The following DZIP1 variants were observed in gnomAD, a reference collection of about 807,000 sequenced individuals.
DZIP1 encodes DAZ interacting zinc finger protein 1.
DZIP1 carries 97 observed loss-of-function variants against 107.6 expected under a neutral mutation model. The observed-to-expected ratio is 0.90, with a 90% CI of 0.77 to 1.07. The LOEUF (loss-of-function observed/expected upper bound fraction) is 1.07. Among genes scored for constraint, DZIP1 ranks in the 50% least tolerant of loss-of-function variants. DZIP1 has a pLI of 0.00. For synonymous variants in DZIP1, 390 were observed against 386.4 expected (o/e 1.01, Z -0.11); for missense variants, 1,035 against 1,063.6 (o/e 0.97, Z 0.37).
At chr13:95,609,380 A>T in intron 13 of DZIP1, 77 bp downstream of exon 13, 1 of 958,904 alleles carries the variant, frequency 1.0e-6, no homozygotes. Flanking sequence ...GCCTCTAAAA[A>T]TAGTAAGTAA....
chr13:95,617,225 AAGTCCC>A (rs1180037316), intron 10 of DZIP1, among the ~76,000 whole-genome samples: 2 of 151,742 alleles, frequency 1.3e-5, no homozygotes, highest in African/African-American at 4.8e-5. Context: ...AAGAAATAAG[AAGTCCC>A]AGGCCCTTCC....
Position 95,644,014 on chromosome 13 carries a change from C to T in DZIP1, c.-525-316G>A, listed in dbSNP as rs866412189. On this transcript the variant is annotated intron_variant, in intron 1 of 22. Coordinates refer to ENST00000376829, the MANE Select transcript of DZIP1 (RefSeq NM_198968.4). ...TCGTGCCGCTGACCACCCCTTTCCC[C>T]TTGCGTGGATCTCGGTCACAAGATG... is the stretch of plus-strand genomic sequence containing the variant. Among the ~76,000 whole-genome samples the T allele has an allele frequency of 1.7e-4, 26 of 152,274 alleles. 2 individuals carry two copies. In the South Asian group the frequency reaches 2.5e-3, roughly 15 times the overall value.
Position 95,589,849 on chromosome 13 carries a change from G to A in DZIP1, c.1927C>T (p.Leu643=), listed in dbSNP as rs754121655. 2.5e-6 allele frequency: 4 copies of A among 1,614,128 alleles called. No homozygotes were observed. The highest frequency in any genetic ancestry group is 3.4e-6 in the Non-Finnish European group (4 of 1,180,016). Residue 643 remains leucine, a synonymous_variant, in exon 18 of 23, where the codon CTG becomes TTG. Coordinates refer to ENST00000376829, the MANE Select transcript of DZIP1 (RefSeq NM_198968.4). ...MIQLPSKNRQ[L]IRQKAVSTDR... is the part of the protein sequence containing the mutation. Reference sequence around the variant, plus strand: ...GTAGAAACAGCTTTTTGTCTAATCAGTTGTCTGTTTTTGGAAGGAAGTTGT... The same window carrying A: ...GTAGAAACAGCTTTTTGTCTAATCAATTGTCTGTTTTTGGAAGGAAGTTGT...
intron 12 of DZIP1, among the ~76,000 whole-genome samples, chr13:95,610,595 A>G (rs2044966131): frequency 6.6e-6 from 1 of 152,196 alleles, no homozygotes; most frequent in African/African-American, 2.4e-5. Flanking sequence ...AATGTGAGCA[A>G]CTGTGCCTGG....
At chr13:95,601,248 C>T (rs1001218671) in intron 14 of DZIP1, among the ~76,000 whole-genome samples, 2 of 152,030 alleles carry the variant, frequency 1.3e-5, no homozygotes, top group Non-Finnish European at 2.9e-5. Flanking sequence ...CTGGCCAAAC[C>T]CCAGCTCCCA....
In DZIP1 at chr13:95,599,431, A is replaced by G; in HGVS notation, c.1478-7T>C. The G allele has an allele frequency of 1.2e-6, 2 of 1,611,530 alleles. No homozygotes were observed. Among genetic ancestry groups the G allele is most frequent in the Non-Finnish European group, 1.7e-6 (2 of 1,177,772 alleles). ...TGCGACGAGAATGCCTGTTCTATTA[A>G]CAAGGAAAAATAAGAACAGTACAAA... is the stretch of plus-strand genomic sequence containing the variant. On this transcript the variant is annotated splice_polypyrimidine_tract_variant and splice_region_variant and intron_variant, in intron 14 of 22. Transcript: ENST00000376829.
chr13:95,587,172 A>T (rs1040761722), intron 20 of DZIP1, among the ~76,000 whole-genome samples: 7 of 152,230 alleles, frequency 4.6e-5, no homozygotes, highest in Non-Finnish European at 8.8e-5. Flanking sequence ...AGACAAGTCA[A>T]GGACAGAGGC....
Position 95,641,933 on chromosome 13 carries a change from A to C in DZIP1, c.36+61T>G. The C allele has an allele frequency of 6.7e-7, 1 of 1,501,760 alleles. No individual in the cohort carries two copies. Among genetic ancestry groups the C allele is most frequent in the Non-Finnish European group, 8.8e-7 (1 of 1,134,094 alleles). The allele number at this position is 1,501,760 out of a possible 1,614,324, so 93.0% of individuals were successfully genotyped here. The stretch of plus-strand genomic sequence containing the variant: ...GGCTGGGGAGCTGGGGGTCCGGGGA[A>C]GCCCCGGTTCTCCCCAGCCCGGCAT... On this transcript the variant is annotated intron_variant, in intron 4 of 22. Transcript: ENST00000376829. The surrounding 1 kb of genome is among the most constrained non-coding windows in gnomAD (Gnocchi z 4.3).
intron 16 of DZIP1, among the ~76,000 whole-genome samples, chr13:95,592,608 C>CTTTG: frequency 6.6e-6 from 1 of 152,286 alleles, no homozygotes; most frequent in East Asian, 1.9e-4. Flanking sequence ...TATGCCTACC[C>CTTTG]TTTGACTCAG....
At chr13:95,598,882 T>C (rs2044534638) in intron 15 of DZIP1, among the ~76,000 whole-genome samples, 2 of 152,154 alleles carry the variant, frequency 1.3e-5, no homozygotes, top group Admixed American at 1.3e-4. Flanking sequence ...ACCATAAAAA[T>C]ACTGTTTTGC....
chr13:95,641,375 G>C lies in DZIP1; in HGVS notation c.517C>G (p.Leu173Val). 6.2e-7 allele frequency: 1 copy of C among 1,614,140 alleles called. No individual in the cohort carries two copies. The highest frequency in any genetic ancestry group is 8.5e-7 in the Non-Finnish European group (1 of 1,180,010). Reference protein sequence around the residue: ...LTKQAGEIKTLKEECKRRKKM... With the variant: ...LTKQAGEIKTVKEECKRRKKM... ...TTCCGGCGTTTGCACTCTTCCTTGA[G>C]CGTCTTGATCTCCCCCGCCTGCTTG... Residue 173 changes from leucine to valine, a missense_variant, in exon 5 of 23, where the codon CTC (leucine) becomes GTC (valine). Coordinates refer to ENST00000376829, the MANE Select transcript of DZIP1 (RefSeq NM_198968.4). The surrounding 1 kb of genome is among the most constrained non-coding windows in gnomAD (Gnocchi z 4.3).
intron 7 of DZIP1, among the ~76,000 whole-genome samples, chr13:95,629,314 T>C (rs761618735): frequency 6.6e-6 from 1 of 152,224 alleles, no homozygotes; most frequent in Non-Finnish European, 1.5e-5. Flanking sequence ...CAGAACTCAA[T>C]GAATCATGGG....
chr13:95,629,010 T>C lies in DZIP1; in HGVS notation c.810+979A>G, dbSNP rs149098488. 4.4e-3 allele frequency among the ~76,000 whole-genome samples: 670 copies of C among 152,354 alleles called. 8 individuals are homozygous for C. The highest frequency in any genetic ancestry group is 0.015 in the African/African-American group (644 of 41,572). On this transcript the variant is annotated intron_variant, in intron 7 of 22. Transcript: ENST00000376829. Reference sequence around the variant, plus strand: ...AATAGTTAAAATCATAAATTTTACATTATAGGTATATTACAATTTAAAAAG... The same window carrying C: ...AATAGTTAAAATCATAAATTTTACACTATAGGTATATTACAATTTAAAAAG...
rs752385949 is a variant in DZIP1 at position 95,582,296 on chromosome 13, A to T, written c.2542T>A (p.Ser848Thr). ...ACTAAGCTGCTTTTTAATGTGCTTG[A>T]TTCATTTTCTTGAAGTCCTGTAAGT... is the stretch of plus-strand genomic sequence containing the variant. ...PKGEGLQENE[S>T]STLKSSLVTV... Residue 848 changes from serine to threonine, a missense_variant, in exon 23 of 23, where the codon TCA (serine) becomes ACA (threonine). Ser to Thr is a moderately conservative substitution (Grantham distance 58, BLOSUM62 1). Transcript: ENST00000376829. The T allele has an allele frequency of 1.9e-6, 3 of 1,614,138 alleles. No individual in the cohort carries two copies. In the South Asian group the frequency reaches 3.3e-5, roughly 18 times the overall value.
Position 95,641,231 on chromosome 13 carries a change from G to A in DZIP1, c.597+64C>T. ...AAGAAAGAGTGGTGATACGGGACAG[G>A]CCTATCAAATGGGAACTGAGTTGTT... On this transcript the variant is annotated intron_variant, in intron 5 of 22. Transcript: ENST00000376829. This position sits in a 1 kb window ranked among gnomAD's most constrained non-coding sequence, Gnocchi z 4.3. 6.6e-7 allele frequency: 1 copy of A among 1,515,788 alleles called. No homozygotes were observed. The highest frequency in any genetic ancestry group is 8.9e-7 in the Non-Finnish European group (1 of 1,128,212). The allele number at this position is 1,515,788 out of a possible 1,614,324, so 93.9% of individuals were successfully genotyped here.
At chr13:95,590,250 C>T (rs1433927515) in intron 17 of DZIP1, 29 bp downstream of exon 17, 2 of 1,531,196 alleles carry the variant, frequency 1.3e-6, no homozygotes, top group Non-Finnish European at 1.8e-6. Flanking sequence ...TTAAATTAAG[C>T]TCCCATTTGC....
At chr13:95,608,687 C>G (rs957138468) in intron 13 of DZIP1, among the ~76,000 whole-genome samples, 3 of 152,174 alleles carry the variant, frequency 2.0e-5, no homozygotes, top group African/African-American at 7.2e-5. Flanking sequence ...TTCAAGAAGC[C>G]TCCAAGAAGA....
intron 14 of DZIP1, among the ~76,000 whole-genome samples, chr13:95,603,210 C>T (rs1328381479): frequency 4.3e-5 from 6 of 139,214 alleles, no homozygotes; most frequent in East Asian, 2.2e-4. Flanking sequence ...GTCTCAACTA[C>T]GTGGGAGGAT....
At chr13:95,599,545 G>A (rs76660149) in intron 14 of DZIP1, 121 bp from the exon 15 acceptor site, 2 of 831,962 alleles carry the variant, frequency 2.4e-6, no homozygotes, top group Middle Eastern at 7.1e-4. Context: ...TGAATAGCAA[G>A]AATTTACTGA....
Sources: allele counts gnomAD v4.1 joint callset (sites outside exome capture counted in the v4.1 genomes callset), GRCh38; gene constraint gnomAD v4.1.1; non-coding constraint Gnocchi (gnomAD v3.1); transcripts MANE v1.5; gene names NCBI Gene and HGNC (gene_info 2026-07-23, HGNC 2026-07-21).